The following UNC5C variants were observed in gnomAD, a reference collection of about 807,000 sequenced individuals.
UNC5C encodes unc-5 netrin receptor C.
In UNC5C, 47 loss-of-function variants were observed where a neutral mutation model predicts 99.8. The observed-to-expected ratio is 0.47, with a 90% confidence interval of 0.37 to 0.60. UNC5C has a LOEUF of 0.60. UNC5C is among the 20% of genes least tolerant of loss of function. UNC5C has a pLI of 0.00. For missense variants in UNC5C, 1,062 were observed against 1,165.9 expected (o/e 0.91, Z 1.30); for synonymous variants, 487 against 452.2 (o/e 1.08, Z -0.98).
At chr4:95,485,860 T>C (rs1311219108) in intron 1 of UNC5C, among the ~76,000 whole-genome samples, 2 of 151,684 alleles carry the variant, frequency 1.3e-5, no homozygotes, top group Non-Finnish European at 2.9e-5. Context: ...TGAGTATTAA[T>C]AGTAACACAG....
At chr4:95,331,962 C>T (rs571856818) in intron 2 of UNC5C, among the ~76,000 whole-genome samples, 1 of 152,048 alleles carries the variant, frequency 6.6e-6, no homozygotes, top group Non-Finnish European at 1.5e-5. Context: ...AGTGAACTCC[C>T]ATTCACAATT....
chr4:95,306,742 C>T (rs1391678460), intron 2 of UNC5C, among the ~76,000 whole-genome samples: 2 of 152,072 alleles, frequency 1.3e-5, no homozygotes, highest in Non-Finnish European at 2.9e-5. Flanking sequence ...GTTGTGCAGG[C>T]CTGGCAATTT....
intron 1 of UNC5C, among the ~76,000 whole-genome samples, chr4:95,456,627 TAAC>T (rs1181845618): frequency 6.6e-6 from 1 of 152,072 alleles, no homozygotes; most frequent in Non-Finnish European, 1.5e-5. Context: ...ATTAAGGAAA[TAAC>T]AAAAATTCAA....
intron 14 of UNC5C, among the ~76,000 whole-genome samples, chr4:95,176,575 C>T (rs1324946301): frequency 1.3e-5 from 2 of 152,022 alleles, no homozygotes; most frequent in African/African-American, 2.4e-5. Flanking sequence ...GTCAGGGACC[C>T]ACTTGAGGAG....
chr4:95,195,320 C>T (rs1737335365), intron 12 of UNC5C, among the ~76,000 whole-genome samples: 1 of 152,204 alleles, frequency 6.6e-6, no homozygotes, highest in Non-Finnish European at 1.5e-5. Flanking sequence ...CTGTACCACG[C>T]TCCCTCCCAT....
chr4:95,171,882 A>G (rs531582826), intron 14 of UNC5C, among the ~76,000 whole-genome samples: 1 of 151,986 alleles, frequency 6.6e-6, no homozygotes, highest in African/African-American at 2.4e-5. Flanking sequence ...CTGTTTCTCC[A>G]CATCCTCTCT....
intron 5 of UNC5C, among the ~76,000 whole-genome samples, chr4:95,245,578 T>C (rs756318688): frequency 1.5e-4 from 23 of 152,328 alleles, no homozygotes; most frequent in Non-Finnish European, 2.2e-4. Context: ...AAGATTGATT[T>C]TTTAAGCATA....
chr4:95,476,531 G>A (rs929817295), intron 1 of UNC5C, among the ~76,000 whole-genome samples: 16 of 151,598 alleles, frequency 1.1e-4, no homozygotes, highest in Non-Finnish European at 1.9e-4. Context: ...AGTTTTTTTC[G>A]GAGAAGACTT....
chr4:95,484,156 C>T (rs1721259375), intron 1 of UNC5C, among the ~76,000 whole-genome samples: 1 of 151,810 alleles, frequency 6.6e-6, no homozygotes, highest in South Asian at 2.1e-4. Flanking sequence ...AGCAGACCTA[C>T]AGGAAGTCAG....
chr4:95,525,320 CA>C (rs1424210991), intron 1 of UNC5C, among the ~76,000 whole-genome samples: 2 of 152,002 alleles, frequency 1.3e-5, no homozygotes, highest in Admixed American at 1.3e-4. Context: ...TCTCTTTGAG[CA>C]AAATTCCAGC....
At chr4:95,215,303 C>G (rs548031820) in intron 10 of UNC5C, among the ~76,000 whole-genome samples, 1 of 152,332 alleles carries the variant, frequency 6.6e-6, no homozygotes, top group African/African-American at 2.4e-5. Context: ...ATGATAATTA[C>G]ATGATGAGGA....
intron 6 of UNC5C, among the ~76,000 whole-genome samples, chr4:95,243,180 T>C (rs543318740): frequency 6.6e-6 from 1 of 152,352 alleles, no homozygotes; most frequent in African/African-American, 2.4e-5. Context: ...TGTAATGTTT[T>C]CATGAAAACA....
intron 7 of UNC5C, among the ~76,000 whole-genome samples, chr4:95,222,048 C>T (rs1050358461): frequency 6.6e-6 from 1 of 152,140 alleles, no homozygotes; most frequent in African/African-American, 2.4e-5. Context: ...ATGACCCTTT[C>T]TTCTCTTCAG....
At chr4:95,402,880 A>G (rs1745738931) in intron 1 of UNC5C, among the ~76,000 whole-genome samples, 1 of 152,360 alleles carries the variant, frequency 6.6e-6, no homozygotes, top group East Asian at 1.9e-4. Flanking sequence ...TAAGAAACTA[A>G]TAAGTCTCTT....
intron 1 of UNC5C, among the ~76,000 whole-genome samples, chr4:95,447,814 G>T (rs1467710372): frequency 2.6e-5 from 4 of 152,098 alleles, no homozygotes; most frequent in Non-Finnish European, 4.4e-5. Flanking sequence ...CCTAATTTTA[G>T]ATTCATTAAG....
chr4:95,442,500 G>A lies in UNC5C; in HGVS notation c.124+106234C>T, dbSNP rs1746979344. Among the ~76,000 whole-genome samples, 4 of 148,944 alleles carry A rather than the reference G, an allele frequency of 2.7e-5. No homozygotes were observed. In the South Asian group the frequency reaches 8.5e-4, roughly 32 times the overall value. Reference sequence around the variant, plus strand: ...TGGGATTACATGTGTGACCCATCAAGCCCGCCTGTTTTTTAGAGATGGAGT... The same window carrying A: ...TGGGATTACATGTGTGACCCATCAAACCCGCCTGTTTTTTAGAGATGGAGT... On this transcript the variant is annotated intron_variant, in intron 1 of 15. Transcript: ENST00000453304.
At chr4:95,513,272 T>G (rs1722126424) in intron 1 of UNC5C, among the ~76,000 whole-genome samples, 1 of 152,188 alleles carries the variant, frequency 6.6e-6, no homozygotes. Flanking sequence ...TCTATTTACA[T>G]CTTGCAATGG....
intron 1 of UNC5C, among the ~76,000 whole-genome samples, chr4:95,490,948 CAGAG>C (rs1197640808): frequency 6.6e-6 from 1 of 151,504 alleles, no homozygotes; most frequent in Non-Finnish European, 1.5e-5. Context: ...TTCTGCTAGA[CAGAG>C]AGAACTTCTG....
At chr4:95,211,217 T>C (rs1738064795) in intron 10 of UNC5C, among the ~76,000 whole-genome samples, 1 of 152,186 alleles carries the variant, frequency 6.6e-6, no homozygotes, top group Non-Finnish European at 1.5e-5. Context: ...CACCCTAGGC[T>C]CAGCTGCCTT....
Sources: allele counts gnomAD v4.1 joint callset (sites outside exome capture counted in the v4.1 genomes callset), GRCh38; gene constraint gnomAD v4.1.1; transcripts MANE v1.5; gene names NCBI Gene and HGNC (gene_info 2026-07-23, HGNC 2026-07-21).